PLPPR5: variants seen among roughly 807,000 people sequenced by gnomAD.
The protein encoded by PLPPR5 is phospholipid phosphatase related 5.
In PLPPR5, 16 loss-of-function variants were observed where a neutral mutation model predicts 33.9. The observed-to-expected ratio is 0.47, with a 90% confidence interval of 0.32 to 0.72. The LOEUF is 0.72. Ranked by LOEUF, PLPPR5 falls within the 30% of genes least tolerant of loss-of-function variation. The pLI is 0.03. For synonymous variants in PLPPR5, 163 were observed against 150.3 expected (o/e 1.08, Z -0.62); for missense variants, 301 against 406.7 (o/e 0.74, Z 2.23).
chr1:98,962,061 G>A (rs943421641), intron 1 of PLPPR5, among the ~76,000 whole-genome samples: 1 of 152,066 alleles, frequency 6.6e-6, no homozygotes, highest in African/African-American at 2.4e-5. Context: ...CTGCTCTTCT[G>A]TGTCACCATC....
At chr1:98,933,152 C>T (rs1650045149) in intron 3 of PLPPR5, among the ~76,000 whole-genome samples, 1 of 147,776 alleles carries the variant, frequency 6.8e-6, no homozygotes, top group Non-Finnish European at 1.5e-5. Context: ...CAGGGACAAA[C>T]AAAACAAAAA....
At chr1:98,897,511 A>G (rs182047147) in intron 5 of PLPPR5, among the ~76,000 whole-genome samples, 3 of 152,316 alleles carry the variant, frequency 2.0e-5, no homozygotes, top group Admixed American at 1.3e-4. Flanking sequence ...CTGAGATTAA[A>G]TATTATTCCA....
At chr1:98,940,446 T>A (rs1468610694) in intron 3 of PLPPR5, among the ~76,000 whole-genome samples, 2 of 151,766 alleles carry the variant, frequency 1.3e-5, no homozygotes, top group African/African-American at 2.4e-5. Context: ...CTTCAACATA[T>A]GAATCAAGGG....
intron 3 of PLPPR5, among the ~76,000 whole-genome samples, chr1:98,951,735 T>C (rs1348830467): frequency 3.3e-5 from 5 of 152,226 alleles, no homozygotes; most frequent in Non-Finnish European, 7.3e-5. Context: ...TGTCACAAGG[T>C]ATTCCATATA....
At position 98,959,618 on chromosome 1, in the gene PLPPR5, T is replaced by C. The variant is rs564716995; in HGVS notation, c.238-2877A>G. On this transcript the variant is annotated intron_variant, in intron 1 of 5. Coordinates refer to ENST00000263177, the MANE Select transcript of PLPPR5 (RefSeq NM_001037317.2). Reference sequence around the variant, plus strand: ...CTCAGTTTCTCTTTGTATGCCTTTCTGCCAGCCAGTGCTCCTGATTCCGAG... The same window carrying C: ...CTCAGTTTCTCTTTGTATGCCTTTCCGCCAGCCAGTGCTCCTGATTCCGAG... Among the ~76,000 whole-genome samples the C allele has an allele frequency of 2.3e-4, 35 of 152,304 alleles. No individual in the cohort carries two copies. In the South Asian group the frequency reaches 4.6e-3, roughly 20 times the overall value.
rs534312677 is a variant in PLPPR5, at chr1:98,956,593, T to C, written c.370+16A>G. ...ACTGTTTCAGAAATATTAAAAATAA[T>C]TTAATGAACACATACCAAGAAATCG... On this transcript the variant is annotated intron_variant, in intron 2 of 5. Transcript: ENST00000263177. The C allele has an allele frequency of 2.6e-6, 4 of 1,558,708 alleles. No individual in the cohort carries two copies. The African/African-American group carries it at 5.6e-5, about 22-fold the overall frequency.
At chr1:98,991,963 T>C (rs1421896335) in intron 1 of PLPPR5, among the ~76,000 whole-genome samples, 1 of 152,222 alleles carries the variant, frequency 6.6e-6, no homozygotes, top group African/African-American at 2.4e-5. Context: ...ACTGTTCATT[T>C]CATTTGTCTT....
At chr1:98,921,797 C>T (rs1649563136) in intron 4 of PLPPR5, 85 bp downstream of exon 4, 2 of 1,102,946 alleles carry the variant, frequency 1.8e-6, no homozygotes, top group Admixed American at 2.2e-5. Context: ...TTTAGACAAA[C>T]CCAGTGATTC....
intron 1 of PLPPR5, among the ~76,000 whole-genome samples, chr1:98,989,908 T>C (rs309068): frequency 0.1 from 15,818 of 152,226 alleles, 985 homozygotes; most frequent in African/African-American, 0.16. Flanking sequence ...TGAAGTGTTA[T>C]CCAATTCTAG....
intron 3 of PLPPR5, among the ~76,000 whole-genome samples, chr1:98,942,563 T>C (rs1299116570): frequency 6.6e-6 from 1 of 152,160 alleles, no homozygotes; most frequent in African/African-American, 2.4e-5. Flanking sequence ...CATTGTGCTG[T>C]AAGGAGACCA....
At chr1:98,945,899 T>C (rs1027213158) in intron 3 of PLPPR5, among the ~76,000 whole-genome samples, 8 of 152,200 alleles carry the variant, frequency 5.3e-5, no homozygotes, top group African/African-American at 1.4e-4. Context: ...GACTTGCCTA[T>C]TCCTGTGCTT....
At chr1:98,998,131 G>A (rs1266876725) in intron 1 of PLPPR5, among the ~76,000 whole-genome samples, 1 of 152,126 alleles carries the variant, frequency 6.6e-6, no homozygotes, top group African/African-American at 2.4e-5. Context: ...AAAAGAAAGG[G>A]AGGGAAACAG....
chr1:98,985,619 A>G (rs1446952957), intron 1 of PLPPR5, among the ~76,000 whole-genome samples: 1 of 151,990 alleles, frequency 6.6e-6, no homozygotes, highest in African/African-American at 2.4e-5. Flanking sequence ...CTTTCATGAT[A>G]ATTGCCCTAT....
chr1:98,983,971 G>A (rs1302031636), intron 1 of PLPPR5, among the ~76,000 whole-genome samples: 3 of 145,712 alleles, frequency 2.1e-5, no homozygotes, highest in Admixed American at 6.9e-5. Flanking sequence ...AAATTCACAT[G>A]TAATTTGAAT....
intron 1 of PLPPR5, among the ~76,000 whole-genome samples, chr1:98,992,752 T>C (rs558602103): frequency 6.6e-6 from 1 of 152,266 alleles, no homozygotes; most frequent in South Asian, 2.1e-4. Context: ...GACAACAGTA[T>C]AGTCACTCAG....
intron 3 of PLPPR5, among the ~76,000 whole-genome samples, chr1:98,941,454 C>T (rs921767202): frequency 7.3e-5 from 11 of 151,154 alleles, no homozygotes; most frequent in South Asian, 2.1e-4. Context: ...CCCATGTAAC[C>T]GGTTTATAAG....
At chr1:98,921,017 G>T (rs2101160578) in intron 4 of PLPPR5, among the ~76,000 whole-genome samples, 1 of 152,142 alleles carries the variant, frequency 6.6e-6, no homozygotes, top group Middle Eastern at 3.4e-3. Context: ...TACTTTAAGA[G>T]TATAATCAGA....
intron 5 of PLPPR5, among the ~76,000 whole-genome samples, chr1:98,894,338 T>G (rs1648391850): frequency 6.6e-6 from 1 of 152,064 alleles, no homozygotes; most frequent in African/African-American, 2.4e-5. Context: ...AGGCATGACT[T>G]CAGGGTAAAG....
At chr1:99,001,686 A>ATATG (rs1652856096) in intron 1 of PLPPR5, among the ~76,000 whole-genome samples, 1 of 143,904 alleles carries the variant, frequency 6.9e-6, no homozygotes, top group Non-Finnish European at 1.5e-5. Flanking sequence ...ATATATATAT[A>ATATG]TATATATATA....
Sources: gnomAD v4.1 joint callset for allele counts (sites outside exome capture counted in the v4.1 genomes callset) on GRCh38, gnomAD v4.1.1 for gene constraint, MANE v1.5 for transcripts, NCBI Gene and HGNC (gene_info 2026-07-23, HGNC 2026-07-21) for gene names.